Variants in ZNF398 observed in about 807,000 individuals in gnomAD.
ZNF398 encodes zinc finger DNA binding protein ZER6.
ZNF398 carries 18 observed loss-of-function variants against 41.9 expected under a neutral mutation model. The observed-to-expected ratio is 0.43, with a 90% CI of 0.30 to 0.64. The LOEUF is 0.64. ZNF398 is among the 30% of genes least tolerant of loss of function. The probability of loss-of-function intolerance (pLI) is 0.14; values close to 1 mark genes in which losing one functional copy is unlikely to be tolerated. For missense variants in ZNF398, 669 were observed against 822.8 expected (o/e 0.81, Z 2.29); for synonymous variants, 260 against 308.8 (o/e 0.84, Z 1.66).
At chr7:149,165,192 C>T (rs12154382) in intron 2 of ZNF398, among the ~76,000 whole-genome samples, 81,944 of 151,992 alleles carry the variant, frequency 0.54, 25,618 homozygotes, top group East Asian at 0.9. Flanking sequence ...ATCCAAGTTA[C>T]CTCACTTGCA....
intron 4 of ZNF398, among the ~76,000 whole-genome samples, chr7:149,170,448 A>G (rs1483730085): frequency 6.6e-6 from 1 of 152,198 alleles, no homozygotes; most frequent in Non-Finnish European, 1.5e-5. Flanking sequence ...TGTAAAAGAT[A>G]CAAAATGAGC....
chr7:149,166,954 C>A lies in ZNF398; in HGVS notation c.661+24C>A, dbSNP rs1268278231. 4 of 1,527,758 alleles carry A rather than the reference C, an allele frequency of 2.6e-6. No homozygotes were observed. The East Asian group carries it at 6.9e-5, about 26-fold the overall frequency. 94.6% of individuals were successfully genotyped at this position (1,527,758 alleles called of 1,614,324 possible). A position where few individuals can be genotyped will look rare whatever the true frequency, so the allele number is the denominator to read the frequency against. On this transcript the variant is annotated intron_variant, in intron 4 of 5. Coordinates refer to ENST00000475153, the MANE Select transcript of ZNF398 (RefSeq NM_170686.3). ...AGGTAAGTGGGAGAAGAGATTCCTA[C>A]TTCTTGTCTCCCTTTCCTGGTCAGA...
At chr7:149,163,408 T>G (rs1795153727) in intron 2 of ZNF398, among the ~76,000 whole-genome samples, 1 of 150,912 alleles carries the variant, frequency 6.6e-6, no homozygotes, top group South Asian at 2.1e-4. Context: ...GTTTTGCCCT[T>G]GTCGTGCAGG....
At chr7:149,146,403 AGCCGGGCTTG>A (rs1220878729), upstream of ZNF398, among the ~76,000 whole-genome samples, 3 of 152,172 alleles carry the variant, frequency 2.0e-5, no homozygotes, top group African/African-American at 7.2e-5. Context: ...ATAAAACATT[AGCCGGGCTTG>A]GTAGCTGCGC....
chr7:149,175,440 C>T (rs1481413695), intron 4 of ZNF398, among the ~76,000 whole-genome samples: 2 of 152,062 alleles, frequency 1.3e-5, no homozygotes, highest in South Asian at 2.1e-4. Context: ...TGTGCAAAGC[C>T]GATATTGGCT....
At chr7:149,163,439 C>T (rs1211083972) in intron 2 of ZNF398, among the ~76,000 whole-genome samples, 1 of 142,948 alleles carries the variant, frequency 7.0e-6, no homozygotes, top group East Asian at 2.1e-4. Flanking sequence ...ATGGTGTGAT[C>T]TCGGCTCACC....
chr7:149,171,272 C>T (rs1380110541), intron 4 of ZNF398, among the ~76,000 whole-genome samples: 1 of 151,844 alleles, frequency 6.6e-6, no homozygotes, highest in Non-Finnish European at 1.5e-5. Flanking sequence ...AACTTTCTGA[C>T]TTTTGTAATA....
chr7:149,132,290 G>T (rs1288777754), intron 2 of ZNF398, among the ~76,000 whole-genome samples: 3 of 150,332 alleles, frequency 2.0e-5, no homozygotes, highest in Non-Finnish European at 4.4e-5. Context: ...CACCTCCCAG[G>T]TTCAACTGAT....
At chr7:149,145,942 CTTTTTTTTTTT>C (rs34950278), upstream of ZNF398, among the ~76,000 whole-genome samples, 2 of 103,090 alleles carry the variant, frequency 1.9e-5, no homozygotes, top group African/African-American at 7.2e-5. Context: ...CTCGCAGGTC[CTTTTTTTTTTT>C]TTTTTTTTTT....
chr7:149,130,780 A>G (rs541027274), intron 2 of ZNF398, among the ~76,000 whole-genome samples: 47 of 152,290 alleles, frequency 3.1e-4, no homozygotes, highest in African/African-American at 1.0e-3. Flanking sequence ...GAAGGCTTTA[A>G]TTGGGTGTTA....
chr7:149,137,270 A>T (rs1013148706), intron 2 of ZNF398, among the ~76,000 whole-genome samples: 1 of 152,172 alleles, frequency 6.6e-6, no homozygotes, highest in Non-Finnish European at 1.5e-5. Flanking sequence ...TCCCTTCCCC[A>T]ATATGACATG....
At chr7:149,175,441 G>A (rs1016316643) in intron 4 of ZNF398, among the ~76,000 whole-genome samples, 3 of 152,096 alleles carry the variant, frequency 2.0e-5, no homozygotes, top group African/African-American at 4.8e-5. Flanking sequence ...GTGCAAAGCC[G>A]ATATTGGCTG....
At chr7:149,143,337 C>G (rs1826866077), upstream of ZNF398, among the ~76,000 whole-genome samples, 1 of 152,076 alleles carries the variant, frequency 6.6e-6, no homozygotes, top group South Asian at 2.1e-4. Context: ...CCAATGGTTG[C>G]TTGAAGACAA....
At chr7:149,140,596 C>A (rs1475163268) in intron 2 of ZNF398, among the ~76,000 whole-genome samples, 1 of 152,124 alleles carries the variant, frequency 6.6e-6, no homozygotes, top group African/African-American at 2.4e-5. Context: ...GTTGGCCAGG[C>A]TGGTCTCAAA....
chr7:149,172,633 C>A (rs1795371384), intron 4 of ZNF398, among the ~76,000 whole-genome samples: 1 of 152,180 alleles, frequency 6.6e-6, no homozygotes, highest in Non-Finnish European at 1.5e-5. Context: ...AACAAATCTT[C>A]TATCTGTGAA....
Position 149,178,908 on chromosome 7 carries a change from C to T in ZNF398, c.1036C>T (p.His346Tyr). 6.2e-7 allele frequency: 1 copy of T among 1,614,136 alleles called. No homozygotes were observed. Among genetic ancestry groups the T allele is most frequent in the Non-Finnish European group, 8.5e-7 (1 of 1,180,016 alleles). Reference protein sequence around the residue: ...PPVGEQVFSCHHCGKNLSQDM... With the variant: ...PPVGEQVFSCYHCGKNLSQDM... ...AGTTGGCGAGCAGGTGTTCTCATGC[C>T]ACCACTGTGGCAAGAATCTCAGCCA... Residue 346 changes from histidine to tyrosine, a missense_variant, in exon 6 of 6, where the codon CAC (histidine) becomes TAC (tyrosine). Transcript: ENST00000475153.
chr7:149,160,078 TTAGCTG>T (rs1795074426), intron 2 of ZNF398, among the ~76,000 whole-genome samples: 6 of 3,374 alleles, frequency 1.8e-3, no homozygotes, highest in African/African-American at 3.2e-3. Flanking sequence ...AGGAGGATAA[TTAGCTG>T]ATTAGCATAT....
At chr7:149,166,320 A>G (rs1273556931) in intron 3 of ZNF398, 36 bp downstream of exon 3, 1 of 1,559,574 alleles carries the variant, frequency 6.4e-7, no homozygotes, top group Non-Finnish European at 8.7e-7. Context: ...ATGAAGTGAC[A>G]GCAGCTCCAA....
At chr7:149,138,447 G>A (rs553227300) in intron 2 of ZNF398, among the ~76,000 whole-genome samples, 4 of 152,108 alleles carry the variant, frequency 2.6e-5, no homozygotes, top group Non-Finnish European at 5.9e-5. Flanking sequence ...GGGCGTGGTG[G>A]TGCACGCCTG....
Sources: gnomAD v4.1 joint callset for allele counts (sites outside exome capture counted in the v4.1 genomes callset) on GRCh38, gnomAD v4.1.1 for gene constraint, MANE v1.5 for transcripts, NCBI Gene and HGNC (gene_info 2026-07-23, HGNC 2026-07-21) for gene names.